The following ZNF385D variants were observed in gnomAD, a reference collection of about 807,000 sequenced individuals.
ZNF385D encodes zinc finger protein 385D, also known as zinc finger protein 659.
In ZNF385D, 15 loss-of-function variants were observed where a neutral mutation model predicts 35.8. That is an observed-to-expected ratio of 0.42 (90% confidence interval 0.28 to 0.64). The LOEUF is 0.64. Ranked by LOEUF, ZNF385D falls within the 30% of genes least tolerant of loss-of-function variation. The pLI, the probability that ZNF385D is intolerant of heterozygous loss-of-function variation, is 0.23. For synonymous variants in ZNF385D, 212 were observed against 186.8 expected (o/e 1.13, Z -1.10); for missense variants, 474 against 494.6 (o/e 0.96, Z 0.39).
chr3:22,261,075 T>C (rs1270283875), intron 2 of ZNF385D, among the ~76,000 whole-genome samples: 1 of 150,408 alleles, frequency 6.6e-6, no homozygotes, highest in Non-Finnish European at 1.5e-5. Context: ...AATCACTGTG[T>C]TTTGCCTACA....
At chr3:21,459,779 A>G (rs781569846) in intron 4 of ZNF385D, among the ~76,000 whole-genome samples, 3 of 152,222 alleles carry the variant, frequency 2.0e-5, no homozygotes, top group Non-Finnish European at 2.9e-5. Context: ...GGCATTCAAG[A>G]GAGATGGAAT....
rs536387908 is a variant in ZNF385D, at chr3:22,371,397, A to T, written c.106+1053T>A. Among the ~76,000 whole-genome samples the T allele has an allele frequency of 6.3e-5, 7 of 111,006 alleles. No individual in the cohort carries two copies. The South Asian group carries it at 1.8e-3, about 29-fold the overall frequency. 72.8% of individuals were successfully genotyped at this position (111,006 alleles called of 152,430 possible). ...AGCGCCAGCTCTAGGGTCCTTAGTT[A>T]CACCTACAGAATGTCAGATGTTCTC... On this transcript the variant is annotated intron_variant, in intron 2 of 5. Coordinates refer to the ZNF385D transcript ENST00000494108.
At chr3:21,753,798 TGTG>T, upstream of ZNF385D, among the ~76,000 whole-genome samples, 1 of 151,994 alleles carries the variant, frequency 6.6e-6, no homozygotes, top group Admixed American at 6.6e-5. Context: ...GTTGTGTGTG[TGTG>T]TGTGTGTATT....
At chr3:22,243,581 G>C (rs1346841199) in intron 2 of ZNF385D, among the ~76,000 whole-genome samples, 1 of 151,016 alleles carries the variant, frequency 6.6e-6, no homozygotes, top group Non-Finnish European at 1.5e-5. Context: ...AAATTAGCCT[G>C]CTATTATGAC....
intron 2 of ZNF385D, among the ~76,000 whole-genome samples, chr3:22,271,103 CA>C (rs1701154492): frequency 6.6e-6 from 1 of 152,034 alleles, no homozygotes; most frequent in African/African-American, 2.4e-5. Context: ...GAGATCCAGC[CA>C]TCTATCCATA....
chr3:21,797,430 G>T (rs1457898986), intron 3 of ZNF385D, among the ~76,000 whole-genome samples: 1 of 152,128 alleles, frequency 6.6e-6, no homozygotes, highest in Non-Finnish European at 1.5e-5. Flanking sequence ...CAGTTTGGTG[G>T]TTTCTTACAA....
chr3:21,569,989 A>G (rs2063281674), intron 2 of ZNF385D, among the ~76,000 whole-genome samples: 1 of 151,752 alleles, frequency 6.6e-6, no homozygotes, highest in South Asian at 2.1e-4. Context: ...GCACACCAGC[A>G]TGGCACATGT....
intron 3 of ZNF385D, among the ~76,000 whole-genome samples, chr3:21,924,485 G>T (rs1027177096): frequency 4.6e-5 from 7 of 152,130 alleles, no homozygotes; most frequent in African/African-American, 1.7e-4. Context: ...GACAGTAACT[G>T]CTCAACCCCA....
chr3:21,949,546 CTTTCTTTCT>C (rs1437401453), intron 3 of ZNF385D, among the ~76,000 whole-genome samples: 25 of 31,166 alleles, frequency 8.0e-4, no homozygotes, highest in Admixed American at 6.8e-3. Context: ...TCCTTCTTTT[CTTTCTTTCT>C]TTTTTTTTTT....
chr3:21,893,454 G>C (rs887899761), intron 3 of ZNF385D, among the ~76,000 whole-genome samples: 1 of 152,140 alleles, frequency 6.6e-6, no homozygotes, highest in African/African-American at 2.4e-5. Flanking sequence ...CTGGGAATTA[G>C]CACATGAGAT....
intron 1 of ZNF385D, among the ~76,000 whole-genome samples, chr3:21,708,289 C>G (rs2067980731): frequency 6.6e-6 from 1 of 152,218 alleles, no homozygotes; most frequent in African/African-American, 2.4e-5. Flanking sequence ...GCTGGGAACT[C>G]TGCAAGCAGT....
chr3:22,356,076 A>G (rs1696134754), intron 2 of ZNF385D, among the ~76,000 whole-genome samples: 1 of 151,996 alleles, frequency 6.6e-6, no homozygotes, highest in East Asian at 1.9e-4. Flanking sequence ...TTGTGTAGGT[A>G]TATGAGTCTA....
intron 1 of ZNF385D, among the ~76,000 whole-genome samples, chr3:21,725,352 T>C (rs573835740): frequency 1.8e-4 from 27 of 151,518 alleles, no homozygotes; most frequent in African/African-American, 5.1e-4. Flanking sequence ...CTGAAGGAGA[T>C]AGAAACACGA....
intron 4 of ZNF385D, among the ~76,000 whole-genome samples, chr3:21,487,878 G>A (rs1286793429): frequency 1.3e-5 from 2 of 152,114 alleles, no homozygotes; most frequent in Non-Finnish European, 1.5e-5. Context: ...ATCAATTCAT[G>A]TAAAACATCA....
At chr3:22,135,687 A>G (rs1014313799) in intron 3 of ZNF385D, among the ~76,000 whole-genome samples, 14 of 152,202 alleles carry the variant, frequency 9.2e-5, no homozygotes, top group African/African-American at 3.1e-4. Flanking sequence ...TTATTTTGAA[A>G]AAAGAATAAA....
intron 3 of ZNF385D, among the ~76,000 whole-genome samples, chr3:22,081,111 T>A (rs1460995848): frequency 6.6e-6 from 1 of 152,220 alleles, no homozygotes; most frequent in Non-Finnish European, 1.5e-5. Context: ...ATCTTACACC[T>A]CTTAATGTCT....
At chr3:22,286,168 T>C (rs192994392) in intron 2 of ZNF385D, among the ~76,000 whole-genome samples, 3 of 152,252 alleles carry the variant, frequency 2.0e-5, no homozygotes, top group African/African-American at 2.4e-5. Flanking sequence ...CAATCACATA[T>C]AAAATCTGGC....
At chr3:22,056,778 T>C (rs1213168967) in intron 3 of ZNF385D, among the ~76,000 whole-genome samples, 1 of 152,240 alleles carries the variant, frequency 6.6e-6, no homozygotes. Context: ...TAGATTGGAA[T>C]CAGTTGATCT....
chr3:21,849,136 T>C (rs1696208096), intron 3 of ZNF385D, among the ~76,000 whole-genome samples: 1 of 152,112 alleles, frequency 6.6e-6, no homozygotes, highest in African/African-American at 2.4e-5. Flanking sequence ...TGCATGTAAC[T>C]GTCACATCCC....
Sources: gnomAD v4.1 joint callset for allele counts (sites outside exome capture counted in the v4.1 genomes callset) on GRCh38, gnomAD v4.1.1 for gene constraint, MANE v1.5 for transcripts, NCBI Gene and HGNC (gene_info 2026-07-23, HGNC 2026-07-21) for gene names.